Variants in MROH1 observed in about 807,000 individuals in gnomAD.
MROH1 encodes maestro heat-like repeat-containing protein family member 1.
In MROH1, 117 loss-of-function variants were observed where a neutral mutation model predicts 116.5. The ratio of observed to expected loss-of-function variants is 1.00; its 90% CI spans 0.86 to 1.17. The LOEUF (loss-of-function observed/expected upper bound fraction) is 1.17, where lower values mean the gene tolerates loss of function less well. MROH1 is among the 50% of genes most tolerant of loss of function. The pLI is 0.00. For synonymous variants in MROH1, 921 were observed against 583.9 expected (o/e 1.58, Z -8.32); for missense variants, 1,873 against 1,338.5 (o/e 1.40, Z -6.23).
chr8:144,176,092 G>A (rs1297000685), intron 4 of MROH1, among the ~76,000 whole-genome samples: 1 of 151,968 alleles, frequency 6.6e-6, no homozygotes, highest in Non-Finnish European at 1.5e-5. Flanking sequence ...GCTGGGTGCA[G>A]CGGCTCATGC....
rs1844684952 is a variant in MROH1 at position 144,259,935 on chromosome 8, G to C, written c.4069G>C (p.Asp1357His). The C allele has an allele frequency of 1.3e-6, 1 of 742,718 alleles. No homozygotes were observed. The allele number at this position is 742,718 out of a possible 1,614,324, so 46.0% of individuals were successfully genotyped here. A position where few individuals can be genotyped will look rare whatever the true frequency, so the allele number is the denominator to read the frequency against. ...AELLNSNVANDLMLLDSLLES... is the reference protein window; with the variant it reads ...AELLNSNVANHLMLLDSLLES... Reference sequence around the variant, plus strand: ...GCTGCTGAACAGCAACGTGGCCAACGACCTCATGCTCTTGGACTCGCTGCT... The same window carrying C: ...GCTGCTGAACAGCAACGTGGCCAACCACCTCATGCTCTTGGACTCGCTGCT... The change falls in exon 38 of 44, where the codon GAC (aspartate) becomes CAC (histidine). Residue 1357 changes from aspartate to histidine, a missense_variant. Physicochemically the swap from Asp to His is moderately conservative, Grantham distance 81. Coordinates refer to ENST00000326134, the MANE Select transcript of MROH1 (RefSeq NM_032450.3).
At chr8:144,204,472 C>T (rs1044829706) in intron 12 of MROH1, among the ~76,000 whole-genome samples, 18 of 152,156 alleles carry the variant, frequency 1.2e-4, no homozygotes, top group African/African-American at 3.4e-4. Context: ...AAAATGTACA[C>T]GTTAACTGTT....
chr8:144,235,176 A>G (rs1336114555), intron 14 of MROH1, among the ~76,000 whole-genome samples: 1 of 152,230 alleles, frequency 6.6e-6, no homozygotes, highest in African/African-American at 2.4e-5. Context: ...GATTACAGGC[A>G]TAAGCCACTG....
intron 4 of MROH1, among the ~76,000 whole-genome samples, chr8:144,175,301 G>T (rs997217448): frequency 1.4e-5 from 2 of 147,166 alleles, no homozygotes; most frequent in African/African-American, 2.7e-5. Context: ...CCCAGCAACG[G>T]GTCCAGTCGG....
chr8:144,169,666 G>A (rs998167288), intron 4 of MROH1, among the ~76,000 whole-genome samples: 29 of 142,538 alleles, frequency 2.0e-4, no homozygotes, highest in Admixed American at 8.0e-4. Flanking sequence ...TTTTTGAGAT[G>A]GAATTTGGCT....
chr8:144,210,625 G>T (rs1442890890), intron 12 of MROH1, among the ~76,000 whole-genome samples: 1 of 152,090 alleles, frequency 6.6e-6, no homozygotes, highest in African/African-American at 2.4e-5. Flanking sequence ...GGTGGCAGAG[G>T]TTGCAGTGAG....
chr8:144,199,996 C>T (rs1564457955), intron 11 of MROH1, among the ~76,000 whole-genome samples: 1 of 152,162 alleles, frequency 6.6e-6, no homozygotes, highest in Non-Finnish European at 1.5e-5. Context: ...CAGTCGTTGC[C>T]AGAGGGCTCC....
chr8:144,149,167 C>T (rs1816135976), intron 1 of MROH1, among the ~76,000 whole-genome samples: 5 of 152,040 alleles, frequency 3.3e-5, no homozygotes. Flanking sequence ...TCGTTGTTTG[C>T]GGCATGTTTC....
chr8:144,180,407 C>G lies in MROH1; in HGVS notation c.464-18C>G, dbSNP rs770278381. On this transcript the variant is annotated intron_variant, in intron 6 of 43. Coordinates refer to ENST00000326134, the MANE Select transcript of MROH1 (RefSeq NM_032450.3). This position sits in a 1 kb window ranked among gnomAD's most constrained non-coding sequence, Gnocchi z 7.4. ...TGGAAGCCTTGGCGGAGGCCTTTGA[C>G]GGTGTCCTCTCTCACAGCGTTCGGC... The G allele has an allele frequency of 1.9e-6, 3 of 1,612,664 alleles. No individual in the cohort carries two copies. The highest frequency in any genetic ancestry group is 2.5e-6 in the Non-Finnish European group (3 of 1,179,686).
intron 14 of MROH1, among the ~76,000 whole-genome samples, chr8:144,234,683 A>ATT (rs782152533): frequency 1.5e-5 from 2 of 136,362 alleles, no homozygotes; most frequent in African/African-American, 2.7e-5. Context: ...TGTCTGGCTA[A>ATT]TTTTTTTTTT....
intron 14 of MROH1, among the ~76,000 whole-genome samples, chr8:144,230,798 T>TTTTC (rs1554822532): frequency 7.0e-6 from 1 of 142,150 alleles, no homozygotes; most frequent in African/African-American, 2.9e-5. Context: ...CACTAAAAGG[T>TTTTC]TTTCTTTTTT....
chr8:144,218,951 C>T lies in MROH1; in HGVS notation c.1142-1649C>T, dbSNP rs115818999. 4.7e-3 allele frequency among the ~76,000 whole-genome samples: 637 copies of T among 135,088 alleles called. 4 individuals carry two copies. Among genetic ancestry groups the T allele is most frequent in the African/African-American group, 0.017 (595 of 35,182 alleles). 88.6% of individuals were successfully genotyped at this position (135,088 alleles called of 152,430 possible). ...CTGGGCTCAAGCGATTCTTGTGCCT[C>T]GGCTTCCCAAGTAGCTGGGACTATA... On this transcript the variant is annotated intron_variant, in intron 12 of 43. Transcript: ENST00000326134.
intron 39 of MROH1, 120 bp downstream of exon 39, chr8:144,260,494 G>A: frequency 1.4e-6 from 1 of 701,034 alleles, no homozygotes; most frequent in Admixed American, 2.0e-5. Context: ...TGACCGTGGA[G>A]AGCGCGGACC....
intron 12 of MROH1, among the ~76,000 whole-genome samples, chr8:144,219,539 T>C (rs1458038708): frequency 6.6e-6 from 1 of 152,076 alleles, no homozygotes; most frequent in Admixed American, 6.6e-5. Context: ...CTAAAAGCAG[T>C]GTGGTATGTC....
In MROH1 at chr8:144,255,578, C is replaced by G; in HGVS notation, c.3664C>G (p.Gln1222Glu). ...GCCCGCGGTGCTCGAGCTCTACCCC[C>G]AGCTGTTTGTGGTGCTTCTGCTGCG... ...AGPAVLELYP[Q>E]LFVVLLLRVS... is the part of the protein sequence containing the mutation. Residue 1222 changes from glutamine to glutamate, a missense_variant, in exon 35 of 44, where the codon CAG becomes GAG. By Grantham distance (29) the Gln-to-Glu change is conservative. Transcript: ENST00000326134. The G allele has an allele frequency of 1.3e-6, 1 of 779,412 alleles. No individual in the cohort carries two copies. The highest frequency in any genetic ancestry group is 2.4e-6 in the Non-Finnish European group (1 of 417,778). The allele number at this position is 779,412 out of a possible 1,614,324, so 48.3% of individuals were successfully genotyped here.
chr8:144,254,782 G>A, intron 33 of MROH1, 31 bp from the exon 34 acceptor site: 2 of 757,098 alleles, frequency 2.6e-6, no homozygotes. Flanking sequence ...ACCAGCCACG[G>A]CCTCAAAGTG....
intron 10 of MROH1, among the ~76,000 whole-genome samples, chr8:144,195,501 CAAAAAAAAA>C (rs1163550725): frequency 2.8e-5 from 1 of 35,340 alleles, no homozygotes; most frequent in East Asian, 1.3e-3. Flanking sequence ...GACTCTGTCT[CAAAAAAAAA>C]AAAAAAAAAA....
chr8:144,194,246 A>G (rs143652050), intron 10 of MROH1, among the ~76,000 whole-genome samples: 2,389 of 151,732 alleles, frequency 0.016, 53 homozygotes, highest in African/African-American at 0.053. Flanking sequence ...TATTTTTAAT[A>G]GAGATGGGGT....
rs1019616950 is a variant in MROH1 at position 144,246,136 on chromosome 8, T to C, written c.2871+876T>C. 2.7e-5 allele frequency among the ~76,000 whole-genome samples: 4 copies of C among 147,176 alleles called. No homozygotes were observed. In the Admixed American group the frequency reaches 2.7e-4, roughly 10 times the overall value. On this transcript the variant is annotated intron_variant, in intron 29 of 43. Transcript: ENST00000326134. ...CCTTTCTTTCCTTTCTGAGACCGAG[T>C]CTCTCGCTCTCACCCAGGCTGGAGT... is the stretch of plus-strand genomic sequence containing the variant.
Sources: allele counts gnomAD v4.1 joint callset (sites outside exome capture counted in the v4.1 genomes callset), GRCh38; gene constraint gnomAD v4.1.1; non-coding constraint Gnocchi (gnomAD v3.1); transcripts MANE v1.5; gene names NCBI Gene and HGNC (gene_info 2026-07-23, HGNC 2026-07-21).